Variants in HLCS observed in about 807,000 individuals in gnomAD.
HLCS encodes holocarboxylase synthetase.
In HLCS, 53 loss-of-function variants were observed where a neutral mutation model predicts 75.0. The ratio of observed to expected loss-of-function variants is 0.71; its 90% CI spans 0.57 to 0.89. The LOEUF (loss-of-function observed/expected upper bound fraction) is 0.89, where lower values mean the gene tolerates loss of function less well. Ranked by LOEUF, HLCS falls within the 40% of genes least tolerant of loss-of-function variation. The pLI is 0.00. For missense variants in HLCS, 966 were observed against 1,074.0 expected, an observed-to-expected ratio of 0.90 and a Z score of 1.41; for synonymous variants, 431 against 428.6, an observed-to-expected ratio of 1.01 and a Z score of -0.07.
chr21:36,826,488 A>C (rs913323379), intron 6 of HLCS, among the ~76,000 whole-genome samples: 1 of 152,094 alleles, frequency 6.6e-6, no homozygotes, highest in African/African-American at 2.4e-5. Context: ...GCTGAACGAA[A>C]CTCTGCTTTT....
intron 5 of HLCS, among the ~76,000 whole-genome samples, chr21:36,928,306 T>C (rs2066492327): frequency 6.6e-6 from 1 of 152,178 alleles, no homozygotes; most frequent in Admixed American, 6.5e-5. Flanking sequence ...GGGAGCGCCA[T>C]GCCTGTAATC....
chr21:36,808,698 G>T (rs1032939370), intron 6 of HLCS, among the ~76,000 whole-genome samples: 27 of 152,138 alleles, frequency 1.8e-4, no homozygotes, highest in African/African-American at 5.8e-4. Flanking sequence ...AAAGCAGAAA[G>T]AAAACTAGTA....
chr21:36,851,243 G>A (rs898322605), intron 6 of HLCS, among the ~76,000 whole-genome samples: 1 of 152,210 alleles, frequency 6.6e-6, no homozygotes, highest in Non-Finnish European at 1.5e-5. Context: ...GTTTATTGCA[G>A]CCTATTCACA....
At chr21:36,987,127 G>A (rs1029104154) in intron 1 of HLCS, among the ~76,000 whole-genome samples, 2 of 152,186 alleles carry the variant, frequency 1.3e-5, no homozygotes, top group Non-Finnish European at 2.9e-5. Flanking sequence ...TTTTGAACAA[G>A]CCGCTCCTGA....
At chr21:36,896,567 A>T (rs2065019124) in intron 6 of HLCS, 2 of 452,676 alleles carry the variant, frequency 4.4e-6, no homozygotes, top group East Asian at 8.6e-5. Context: ...CCGGTTAAAC[A>T]TCTTTTTTCA....
At chr21:36,894,744 T>C (rs1401026330) in intron 6 of HLCS, among the ~76,000 whole-genome samples, 3 of 152,124 alleles carry the variant, frequency 2.0e-5, no homozygotes, top group Non-Finnish European at 4.4e-5. Flanking sequence ...TTTGTAAAAG[T>C]AAAAACTCTT....
At chr21:36,802,948 T>C (rs919107379) in intron 6 of HLCS, among the ~76,000 whole-genome samples, 3 of 152,168 alleles carry the variant, frequency 2.0e-5, no homozygotes, top group African/African-American at 7.2e-5. Flanking sequence ...ATTTTAGAGG[T>C]CAAAGAGATG....
chr21:36,830,784 T>C (rs1222221313), intron 6 of HLCS, among the ~76,000 whole-genome samples: 1 of 135,886 alleles, frequency 7.4e-6, no homozygotes. Flanking sequence ...ATGATGCCAC[T>C]GTACTCCAGC....
chr21:36,980,017 T>C (rs2069065957), intron 1 of HLCS, among the ~76,000 whole-genome samples: 2 of 74,712 alleles, frequency 2.7e-5, no homozygotes, highest in African/African-American at 5.7e-5. Context: ...ACAGAGCAAG[T>C]CCCCATCTCA....
At chr21:36,904,511 A>T (rs537443565) in intron 5 of HLCS, among the ~76,000 whole-genome samples, 1 of 152,300 alleles carries the variant, frequency 6.6e-6, no homozygotes, top group African/African-American at 2.4e-5. Flanking sequence ...AAAGGTATCA[A>T]ATGAAACCAG....
chr21:36,897,769 G>C (rs747378732), intron 5 of HLCS, among the ~76,000 whole-genome samples: 1 of 152,166 alleles, frequency 6.6e-6, no homozygotes, highest in Non-Finnish European at 1.5e-5. Flanking sequence ...AAACCTAGAA[G>C]AGACGTTGTC....
intron 6 of HLCS, among the ~76,000 whole-genome samples, chr21:36,875,928 T>C (rs1041231395): frequency 4.6e-5 from 7 of 152,190 alleles, no homozygotes; most frequent in Non-Finnish European, 7.4e-5. Context: ...GTTCCTGGTG[T>C]CTCCAAGTTT....
chr21:36,888,445 AATATATATAT>A (rs71198839), intron 6 of HLCS, among the ~76,000 whole-genome samples: 348 of 23,822 alleles, frequency 0.015, 1 homozygote, highest in Non-Finnish European at 0.017. Flanking sequence ...AAAAAAAAAA[AATATATATAT>A]ATATATATAT....
At position 36,966,425 on chromosome 21, in the gene HLCS, G is replaced by GGGGCCCCCC; in HGVS notation, c.195+18_195+19insGGGGGGCCC. On this transcript the variant is annotated intron_variant, in intron 1 of 10. Transcript: ENST00000674895. ...CCGGCTCGCGGGGCCCGGGTCGCCC[G>GGGGCCCCCC]CCCGCCCGACCCGCCCACCTGGCTG... is the stretch of plus-strand genomic sequence containing the variant. The GGGGCCCCCC allele has an allele frequency of 4.5e-4, 88 of 195,400 alleles. No individual in the cohort carries two copies. The highest frequency in any genetic ancestry group is 6.9e-4 in the Non-Finnish European group (81 of 116,658). The allele number at this position is 195,400 out of a possible 1,614,324, so 12.1% of individuals were successfully genotyped here.
chr21:36,825,425 G>A (rs1480189781), intron 6 of HLCS, among the ~76,000 whole-genome samples: 1 of 152,054 alleles, frequency 6.6e-6, no homozygotes. Flanking sequence ...TATTGTCTTT[G>A]TGTTAACCTA....
intron 6 of HLCS, among the ~76,000 whole-genome samples, chr21:36,816,304 G>C (rs989425002): frequency 6.6e-6 from 1 of 151,968 alleles, no homozygotes; most frequent in Admixed American, 6.6e-5. Context: ...GCTGGGGTGG[G>C]AGGATCACTT....
At chr21:36,947,431 G>T in intron 2 of HLCS, 1 of 985,348 alleles carries the variant, frequency 1.0e-6, no homozygotes. Flanking sequence ...GCAGAACCGC[G>T]CTGTCACTGA....
intron 5 of HLCS, among the ~76,000 whole-genome samples, chr21:36,929,016 C>A (rs1173628613): frequency 6.6e-6 from 1 of 152,150 alleles, no homozygotes; most frequent in East Asian, 1.9e-4. Flanking sequence ...TGAATATAAG[C>A]AGACACATGA....
chr21:36,966,474 G>T lies in HLCS; in HGVS notation c.165C>A (p.Gly55=), dbSNP rs562976892. 623 of 959,870 alleles carry T rather than the reference G, an allele frequency of 6.5e-4. 6 individuals are homozygous for T. The highest frequency in any genetic ancestry group is 3.6e-3 in the South Asian group (73 of 20,086). 59.5% of individuals were successfully genotyped at this position (959,870 alleles called of 1,614,324 possible). A position where few individuals can be genotyped will look rare whatever the true frequency, so the allele number is the denominator to read the frequency against. ...PPGARVCLSR[G]GRVFCVSDSQ... Reference sequence around the variant, plus strand: ...TGTCGCTGACGCAGAAGACGCGGCCGCCACGGCTCAGGCACACGCGGGCGC... The same window carrying T: ...TGTCGCTGACGCAGAAGACGCGGCCTCCACGGCTCAGGCACACGCGGGCGC... The change falls in exon 1 of 11, where the codon GGC becomes GGA. Residue 55 remains glycine (G), a synonymous_variant. Coordinates refer to ENST00000674895, the MANE Select transcript of HLCS (RefSeq NM_001352514.2).
Sources: gnomAD v4.1 joint callset for allele counts (sites outside exome capture counted in the v4.1 genomes callset) on GRCh38, gnomAD v4.1.1 for gene constraint, MANE v1.5 for transcripts, NCBI Gene and HGNC (gene_info 2026-07-23, HGNC 2026-07-21) for gene names.